The following STAT3 variants were observed in gnomAD, a reference collection of about 807,000 sequenced individuals.
The protein encoded by STAT3 is DNA-binding protein APRF.
A neutral mutation model predicts 114.3 loss-of-function variants in STAT3; 7 were observed. That is an observed-to-expected ratio of 0.06 (90% CI 0.03 to 0.11). STAT3 has a LOEUF of 0.11. Among genes scored for constraint, STAT3 ranks in the 10% least tolerant of loss-of-function variants. The pLI, the probability that STAT3 is intolerant of heterozygous loss-of-function variation, is 1.00. For missense variants in STAT3, 364 were observed against 960.9 expected (o/e 0.38, Z 8.21); for synonymous variants, 331 against 354.5 (o/e 0.93, Z 0.74).
At chr17:42,326,792 C>A (rs1281766722) in intron 14 of STAT3, among the ~76,000 whole-genome samples, 1 of 152,110 alleles carries the variant, frequency 6.6e-6, no homozygotes, top group African/African-American at 2.4e-5. Context: ...TGCACTCCAG[C>A]CTGGGTGACA....
chr17:42,370,074 G>A (rs2084027406), intron 1 of STAT3, among the ~76,000 whole-genome samples: 1 of 151,908 alleles, frequency 6.6e-6, no homozygotes, highest in South Asian at 2.1e-4. Flanking sequence ...TGGTTCAAGC[G>A]ATTCTCCTGC....
intron 1 of STAT3, among the ~76,000 whole-genome samples, chr17:42,350,408 A>G (rs2082889592): frequency 6.6e-6 from 1 of 152,164 alleles, no homozygotes; most frequent in African/African-American, 2.4e-5. Flanking sequence ...CAGCCTCCCA[A>G]GCAGCTGGGA....
chr17:42,370,466 G>A (rs1378252913), intron 1 of STAT3, among the ~76,000 whole-genome samples: 5 of 151,584 alleles, frequency 3.3e-5, no homozygotes, highest in Admixed American at 6.6e-5. Context: ...GGCTGGTCTC[G>A]AATTCCTGAC....
At chr17:42,315,911 T>G in intron 23 of STAT3, 111 bp from the exon 24 acceptor site, 1 of 1,597,442 alleles carries the variant, frequency 6.3e-7, no homozygotes, top group Non-Finnish European at 8.5e-7. Flanking sequence ...CTATCCAATC[T>G]CCTGCCCCTT....
At chr17:42,335,472 C>T (rs569877923) in intron 8 of STAT3, among the ~76,000 whole-genome samples, 21 of 152,274 alleles carry the variant, frequency 1.4e-4, no homozygotes, top group African/African-American at 4.1e-4. Context: ...GATTTACAGG[C>T]GTGAGCCACA....
At chr17:42,359,031 G>T (rs2083377126) in intron 1 of STAT3, among the ~76,000 whole-genome samples, 1 of 147,082 alleles carries the variant, frequency 6.8e-6, no homozygotes, top group Admixed American at 6.9e-5. Context: ...TGCCTCCTGG[G>T]TTCACACCAT....
At chr17:42,325,798 G>A (rs1158312004) in intron 15 of STAT3, among the ~76,000 whole-genome samples, 1 of 152,062 alleles carries the variant, frequency 6.6e-6, no homozygotes, top group Non-Finnish European at 1.5e-5. Context: ...TCCTGACCTC[G>A]TGATCCACCC....
chr17:42,373,488 T>G (rs1233602930), intron 1 of STAT3, among the ~76,000 whole-genome samples: 11 of 147,666 alleles, frequency 7.4e-5, no homozygotes, highest in Non-Finnish European at 9.0e-5. Flanking sequence ...GGAGGTGGAG[T>G]TTGCAGTGAG....
At chr17:42,338,674 A>G in intron 6 of STAT3, 57 bp downstream of exon 6, 1 of 1,517,348 alleles carries the variant, frequency 6.6e-7, no homozygotes, top group African/African-American at 1.4e-5. Context: ...TGAGTCTTTC[A>G]ACTCAACAAC....
At chr17:42,315,990 C>T (rs2081233904) in intron 23 of STAT3, 190 bp from the exon 24 acceptor site, 1 of 1,460,826 alleles carries the variant, frequency 6.8e-7, no homozygotes, top group Non-Finnish European at 9.0e-7. Flanking sequence ...CGGGAAGGGT[C>T]CTTTCTCATT....
intron 1 of STAT3, among the ~76,000 whole-genome samples, chr17:42,378,656 A>G (rs1413639209): frequency 6.6e-6 from 1 of 152,230 alleles, no homozygotes; most frequent in African/African-American, 2.4e-5. Flanking sequence ...AGTCAGTCTG[A>G]GATGAAATAT....
At position 42,337,725 on chromosome 17, in the gene STAT3, G is replaced by A. The variant is rs571718596; in HGVS notation, c.645+38C>T. 6.8e-6 allele frequency: 11 copies of A among 1,612,756 alleles called. No homozygotes were observed. The East Asian group carries it at 8.9e-5, about 13-fold the overall frequency. ...AGACGCTGAAATCCCGCAAGTGAGC[G>A]AGACACATGGGGGAAGTGGTCCGAC... On this transcript the variant is annotated intron_variant, in intron 7 of 23. Coordinates refer to ENST00000264657, the MANE Select transcript of STAT3 (RefSeq NM_139276.3). The surrounding 1 kb of genome is among the most constrained non-coding windows in gnomAD (Gnocchi z 4.0).
chr17:42,378,435 C>T (rs2084594048), intron 1 of STAT3, among the ~76,000 whole-genome samples: 2 of 152,088 alleles, frequency 1.3e-5, no homozygotes, highest in Non-Finnish European at 2.9e-5. Flanking sequence ...TCAGTAGAAA[C>T]AGGATTTCAC....
chr17:42,346,955 G>T (rs1048590974), intron 2 of STAT3, among the ~76,000 whole-genome samples: 1 of 152,116 alleles, frequency 6.6e-6, no homozygotes, highest in Non-Finnish European at 1.5e-5. Flanking sequence ...TTGGGAGGCT[G>T]AGGCAGGCGG....
At chr17:42,320,339 G>A (rs1181908273) in intron 21 of STAT3, among the ~76,000 whole-genome samples, 1 of 152,124 alleles carries the variant, frequency 6.6e-6, no homozygotes, top group African/African-American at 2.4e-5. Flanking sequence ...AAGTGGGAGG[G>A]AAGTTGGTAG....
chr17:42,388,000 C>T (rs976736163), intron 1 of STAT3: 11 of 356,918 alleles, frequency 3.1e-5, no homozygotes, highest in Admixed American at 2.4e-4. Context: ...TCACTCCTGC[C>T]GCCGCAACCG....
chr17:42,386,691 T>C (rs900037227), intron 1 of STAT3, among the ~76,000 whole-genome samples: 1 of 152,126 alleles, frequency 6.6e-6, no homozygotes, highest in African/African-American at 2.4e-5. Flanking sequence ...CCACCATGCC[T>C]GGCACTGTGG....
intron 2 of STAT3, among the ~76,000 whole-genome samples, chr17:42,347,217 A>T (rs2082742702): frequency 6.6e-6 from 1 of 151,992 alleles, no homozygotes; most frequent in Non-Finnish European, 1.5e-5. Context: ...CAAAACAAAA[A>T]AACAATTATT....
rs1010707160 is a variant in STAT3 at position 42,324,313 on chromosome 17, G to A, written c.1600+398C>T. ...CAGCCTGGGCAACAGAGCAAGACTC[G>A]TCTCAAAAAAATAAATAAATAAATA... On this transcript the variant is annotated intron_variant, in intron 17 of 23. Transcript: ENST00000264657. The surrounding 1 kb of genome is among the most constrained non-coding windows in gnomAD (Gnocchi z 4.5). Among the ~76,000 whole-genome samples the A allele has an allele frequency of 6.6e-6, 1 of 151,422 alleles. No individual in the cohort carries two copies. The highest frequency in any genetic ancestry group is 1.5e-5 in the Non-Finnish European group (1 of 67,914).
Sources: allele counts gnomAD v4.1 joint callset (sites outside exome capture counted in the v4.1 genomes callset), GRCh38; gene constraint gnomAD v4.1.1; non-coding constraint Gnocchi (gnomAD v3.1); transcripts MANE v1.5; gene names NCBI Gene and HGNC (gene_info 2026-07-23, HGNC 2026-07-21).